The following CTNNA2 variants were observed in gnomAD, a reference collection of about 807,000 sequenced individuals.
CTNNA2 encodes the protein catenin alpha-2.
A neutral mutation model predicts 101.0 loss-of-function variants in CTNNA2; 42 were observed. The ratio of observed to expected loss-of-function variants is 0.42; its 90% confidence interval spans 0.32 to 0.54. The LOEUF (loss-of-function observed/expected upper bound fraction) is 0.54. Among genes scored for constraint, CTNNA2 ranks in the 20% least tolerant of loss-of-function variants. CTNNA2 has a pLI of 0.14. For synonymous variants in CTNNA2, 450 were observed against 456.4 expected, an observed-to-expected ratio of 0.99 and a Z score of 0.18; for missense variants, 871 against 1,223.1, an observed-to-expected ratio of 0.71 and a Z score of 4.29.
chr2:79,497,621 T>C (rs1193843549), intron 4 of CTNNA2, among the ~76,000 whole-genome samples: 2 of 152,168 alleles, frequency 1.3e-5, no homozygotes, highest in African/African-American at 2.4e-5. Flanking sequence ...CACTAATTCT[T>C]CTCTTACTGA....
intron 7 of CTNNA2, among the ~76,000 whole-genome samples, chr2:80,316,012 G>A (rs978197257): frequency 1.3e-5 from 2 of 152,094 alleles, no homozygotes; most frequent in South Asian, 4.1e-4. Context: ...AGCCCGCTAA[G>A]GTTTTAGAAG....
chr2:79,828,051 ATTATC>A (rs1413237743), intron 3 of CTNNA2, among the ~76,000 whole-genome samples: 2 of 152,184 alleles, frequency 1.3e-5, no homozygotes, highest in African/African-American at 4.8e-5. Flanking sequence ...TTTTAGTTAT[ATTATC>A]TTAAATATAT....
rs184155501 is a variant in CTNNA2, at chr2:79,443,369, A to T, written c.-134-61685A>T. On this transcript the variant is annotated intron_variant, in intron 4 of 21. Transcript: ENST00000466387. ...AGGAGAGGATGAATGTCCCAGCTCA[A>T]GAAGAGACAGATAATTTGCCCTTCC... Among the ~76,000 whole-genome samples the T allele has an allele frequency of 1.0e-3, 153 of 152,252 alleles. 1 individual carries two copies. The highest frequency in any genetic ancestry group is 3.3e-3 in the African/African-American group (139 of 41,552).
In CTNNA2 at chr2:79,395,941, A is replaced by G. The variant is rs1280401373; in HGVS notation, c.-135+21928A>G. On this transcript the variant is annotated intron_variant, in intron 4 of 21. Coordinates refer to the CTNNA2 transcript ENST00000466387. Reference sequence around the variant, plus strand: ...AATCTTAACACAAAGACTAGCACATAGTACACACTCACTTAACCATAGCCA... The same window carrying G: ...AATCTTAACACAAAGACTAGCACATGGTACACACTCACTTAACCATAGCCA... Among the ~76,000 whole-genome samples the G allele has an allele frequency of 2.0e-5, 3 of 152,186 alleles. No homozygotes were observed. In the East Asian group the frequency reaches 5.8e-4, roughly 29 times the overall value.
At chr2:80,203,165 G>A (rs973529166) in intron 7 of CTNNA2, among the ~76,000 whole-genome samples, 3 of 152,158 alleles carry the variant, frequency 2.0e-5, no homozygotes, top group South Asian at 4.1e-4. Context: ...TGAGATTTGG[G>A]TGGGGACACA....
chr2:79,834,604 C>G lies in CTNNA2; in HGVS notation c.299-23409C>G, dbSNP rs940158317. On this transcript the variant is annotated intron_variant, in intron 3 of 18. Transcript: ENST00000402739. ...TTGTCATCTTAAAGCATGATTCTTACATTTTCATATTCAAACTTTGTATTT... is the reference window on the plus strand; with the variant it reads ...TTGTCATCTTAAAGCATGATTCTTAGATTTTCATATTCAAACTTTGTATTT... Among the ~76,000 whole-genome samples the G allele has an allele frequency of 7.4e-5, 11 of 148,814 alleles. No homozygotes were observed. In the South Asian group the frequency reaches 8.6e-4, roughly 12 times the overall value.
intron 7 of CTNNA2, among the ~76,000 whole-genome samples, chr2:80,307,249 T>C (rs1677115936): frequency 6.6e-6 from 1 of 151,972 alleles, no homozygotes; most frequent in Non-Finnish European, 1.5e-5. Context: ...AATTTAGCTA[T>C]TCTAAGTCAT....
chr2:79,939,831 G>A (rs1312841481), intron 7 of CTNNA2, among the ~76,000 whole-genome samples: 1 of 151,864 alleles, frequency 6.6e-6, no homozygotes, highest in Non-Finnish European at 1.5e-5. Flanking sequence ...GGTGACTCAT[G>A]CCTGTAATCC....
intron 9 of CTNNA2, among the ~76,000 whole-genome samples, chr2:80,456,327 G>T (rs1431065983): frequency 1.3e-5 from 2 of 152,212 alleles, no homozygotes; most frequent in African/African-American, 2.4e-5. Flanking sequence ...CTGCACTTTG[G>T]ATGATCTGGT....
intron 9 of CTNNA2, among the ~76,000 whole-genome samples, chr2:80,462,950 C>T (rs1183507097): frequency 6.6e-6 from 1 of 152,076 alleles, no homozygotes; most frequent in Non-Finnish European, 1.5e-5. Context: ...GCTCTGAAAT[C>T]ATTAGTCTAT....
At chr2:80,256,653 C>T (rs540334951) in intron 7 of CTNNA2, among the ~76,000 whole-genome samples, 2 of 152,252 alleles carry the variant, frequency 1.3e-5, no homozygotes, top group African/African-American at 4.8e-5. Context: ...TCCACTTGAA[C>T]AACTTCAGTA....
chr2:79,381,074 T>C (rs574631939), intron 4 of CTNNA2, among the ~76,000 whole-genome samples: 8 of 152,326 alleles, frequency 5.3e-5, no homozygotes, highest in Non-Finnish European at 8.8e-5. Flanking sequence ...AGATTGGTTA[T>C]GTCAATTAAT....
At chr2:79,658,062 G>T (rs538569788) in intron 2 of CTNNA2, among the ~76,000 whole-genome samples, 85 of 151,934 alleles carry the variant, frequency 5.6e-4, no homozygotes, top group Admixed American at 1.4e-3. Context: ...CAAAGGGAAA[G>T]AATTCAAAAC....
intron 4 of CTNNA2, among the ~76,000 whole-genome samples, chr2:79,489,655 C>A (rs1420383824): frequency 3.3e-5 from 5 of 152,162 alleles, no homozygotes; most frequent in African/African-American, 4.8e-5. Context: ...AGGAGGCAGA[C>A]CCTGGCTCAT....
intron 7 of CTNNA2, among the ~76,000 whole-genome samples, chr2:79,948,954 C>T (rs1358206429): frequency 2.0e-5 from 3 of 151,684 alleles, no homozygotes; most frequent in South Asian, 2.1e-4. Flanking sequence ...GGCGACAGAG[C>T]CAGACTCCGT....
At chr2:80,204,059 C>T (rs1413055172) in intron 7 of CTNNA2, among the ~76,000 whole-genome samples, 1 of 152,144 alleles carries the variant, frequency 6.6e-6, no homozygotes, top group East Asian at 1.9e-4. Context: ...TCACAGGGCA[C>T]CAAGTCCCTA....
In CTNNA2 at chr2:80,555,886, T is replaced by G. The variant is rs960051777; in HGVS notation, c.1734T>G (p.Ser578=). 1.3e-6 allele frequency: 2 copies of G among 1,546,264 alleles called. No individual in the cohort carries two copies. Among genetic ancestry groups the G allele is most frequent in the Non-Finnish European group, 1.7e-6 (2 of 1,144,488 alleles). ...TGTTGGAAGCTACAAAATTGCTTTC[T>G]GAAACAGGTAAGCATGGGTATTGGG... is the stretch of plus-strand genomic sequence containing the variant. The part of the protein sequence containing the change: ...EKVLEATKLL[S]ETVMPRFAEQ... Residue 578 remains serine (S), a synonymous_variant, in exon 12 of 19, where the codon TCT becomes TCG. Transcript: ENST00000402739.
chr2:79,232,990 G>C (rs1296026873), intron 2 of CTNNA2, among the ~76,000 whole-genome samples: 2 of 151,932 alleles, frequency 1.3e-5, no homozygotes, highest in Non-Finnish European at 2.9e-5. Context: ...CATCAAACTT[G>C]TTTATTCTTT....
intron 2 of CTNNA2, among the ~76,000 whole-genome samples, chr2:79,312,415 T>C (rs1676395324): frequency 6.6e-6 from 1 of 152,212 alleles, no homozygotes; most frequent in African/African-American, 2.4e-5. Flanking sequence ...GTATACTCTG[T>C]CTTTCCTAAC....
Sources: gnomAD v4.1 joint callset for allele counts (sites outside exome capture counted in the v4.1 genomes callset) on GRCh38, gnomAD v4.1.1 for gene constraint, MANE v1.5 for transcripts, NCBI Gene and HGNC (gene_info 2026-07-23, HGNC 2026-07-21) for gene names.